ROBO1: variants seen among roughly 807,000 people sequenced by gnomAD.
ROBO1 encodes the protein roundabout guidance receptor 1.
A neutral mutation model predicts 195.9 loss-of-function variants in ROBO1; 149 were observed. That is an observed-to-expected ratio of 0.76 (90% CI 0.67 to 0.87). The LOEUF (loss-of-function observed/expected upper bound fraction) is 0.87. ROBO1 is among the 40% of genes least tolerant of loss of function. ROBO1 has a pLI of 0.00. For missense variants in ROBO1, 1,933 were observed against 2,068.3 expected (o/e 0.93, Z 1.27); for synonymous variants, 816 against 733.2 (o/e 1.11, Z -1.82).
chr3:78,910,007 A>G (rs2038151606), intron 4 of ROBO1, among the ~76,000 whole-genome samples: 1 of 151,872 alleles, frequency 6.6e-6, no homozygotes, highest in Non-Finnish European at 1.5e-5. Context: ...TAATTAATGT[A>G]AAGTCAGACC....
chr3:79,613,052 A>G (rs537041592), intron 1 of ROBO1, among the ~76,000 whole-genome samples: 33 of 151,952 alleles, frequency 2.2e-4, no homozygotes, highest in Non-Finnish European at 1.0e-4. Flanking sequence ...TTTTACTATT[A>G]AAGTATTATA....
chr3:78,654,459 A>C (rs1435520329), intron 18 of ROBO1, among the ~76,000 whole-genome samples: 2 of 152,166 alleles, frequency 1.3e-5, no homozygotes, highest in East Asian at 3.9e-4. Context: ...CATCCTCTTA[A>C]AGTTCACCGA....
intron 1 of ROBO1, among the ~76,000 whole-genome samples, chr3:79,676,273 G>T (rs1407575842): frequency 2.0e-5 from 3 of 152,058 alleles, no homozygotes; most frequent in Non-Finnish European, 2.9e-5. Flanking sequence ...GTTGTTGAGA[G>T]AATTAATGAA....
Position 78,736,704 on chromosome 3 carries a change from CT to C in ROBO1, c.657+10038del, listed in dbSNP as rs528894264. The stretch of plus-strand genomic sequence containing the variant: ...CTTTTTAATTGTATTGTCATCTAAA[CT>C]AATTTGTGTGCCAGAACTGAGAATG... On this transcript the variant is annotated intron_variant, in intron 5 of 30. Transcript: ENST00000464233. Among the ~76,000 whole-genome samples, 409 of 152,298 alleles carry C rather than the reference CT, an allele frequency of 2.7e-3. 1 individual carries two copies. Among genetic ancestry groups the C allele is most frequent in the African/African-American group, 8.9e-3 (369 of 41,572 alleles).
chr3:79,576,465 T>TA (rs1560008851), intron 2 of ROBO1, among the ~76,000 whole-genome samples: 2 of 152,066 alleles, frequency 1.3e-5, no homozygotes, highest in African/African-American at 4.8e-5. Context: ...GGACATTGTA[T>TA]TAGATACTTT....
At chr3:79,189,951 G>T (rs914597517) in intron 2 of ROBO1, among the ~76,000 whole-genome samples, 2 of 151,558 alleles carry the variant, frequency 1.3e-5, no homozygotes, top group African/African-American at 4.8e-5. Context: ...TAATGATACT[G>T]AAGCCAAAAT....
intron 2 of ROBO1, among the ~76,000 whole-genome samples, chr3:79,400,778 G>T (rs2106781906): frequency 6.6e-6 from 1 of 151,854 alleles, no homozygotes; most frequent in South Asian, 2.1e-4. Context: ...TGATTAATTG[G>T]TTAATTGATG....
At chr3:79,053,164 T>A (rs1044958911) in intron 3 of ROBO1, among the ~76,000 whole-genome samples, 4 of 151,930 alleles carry the variant, frequency 2.6e-5, no homozygotes, top group Non-Finnish European at 5.9e-5. Flanking sequence ...GCCATCCTAA[T>A]GACATACCAA....
chr3:79,599,033 AG>A (rs1944263196), intron 1 of ROBO1, among the ~76,000 whole-genome samples: 1 of 152,082 alleles, frequency 6.6e-6, no homozygotes, highest in African/African-American at 2.4e-5. Flanking sequence ...CCACCAGAGC[AG>A]GTGCTGGTAC....
chr3:79,127,983 G>T (rs2080248533), intron 2 of ROBO1, among the ~76,000 whole-genome samples: 1 of 152,128 alleles, frequency 6.6e-6, no homozygotes, highest in Non-Finnish European at 1.5e-5. Context: ...ATTTTTAGCT[G>T]CTTTGCTAAT....
intron 4 of ROBO1, among the ~76,000 whole-genome samples, chr3:78,843,912 A>C (rs995573880): frequency 2.0e-5 from 3 of 152,130 alleles, no homozygotes; most frequent in African/African-American, 7.2e-5. Flanking sequence ...TATTTCATTA[A>C]GGTGCAGGCT....
At chr3:78,630,929 A>G (rs1406549401) in intron 25 of ROBO1, among the ~76,000 whole-genome samples, 7 of 152,204 alleles carry the variant, frequency 4.6e-5, no homozygotes. Flanking sequence ...AATATGTATC[A>G]TTTTTATATT....
intron 4 of ROBO1, among the ~76,000 whole-genome samples, chr3:78,784,835 C>G (rs943179445): frequency 6.6e-6 from 1 of 152,112 alleles, no homozygotes; most frequent in African/African-American, 2.4e-5. Context: ...AATTCAATAA[C>G]TTAGAAAAGT....
At chr3:78,841,057 G>C (rs554720619) in intron 4 of ROBO1, among the ~76,000 whole-genome samples, 5 of 134,786 alleles carry the variant, frequency 3.7e-5, no homozygotes, top group African/African-American at 1.4e-4. Context: ...GCAAGACTGT[G>C]TCTCAAAAAA....
chr3:79,357,004 T>C (rs955493735), intron 2 of ROBO1, among the ~76,000 whole-genome samples: 2 of 152,176 alleles, frequency 1.3e-5, no homozygotes, highest in African/African-American at 4.8e-5. Context: ...TTGATATGAG[T>C]TGGGAAATTC....
intron 2 of ROBO1, among the ~76,000 whole-genome samples, chr3:79,314,299 ACTGTAATTC>A (rs1350707123): frequency 6.6e-6 from 1 of 152,202 alleles, no homozygotes; most frequent in Non-Finnish European, 1.5e-5. Context: ...CACATCTTGA[ACTGTAATTC>A]CTATAATCCC....
At chr3:78,992,718 C>T (rs1432567590) in intron 3 of ROBO1, among the ~76,000 whole-genome samples, 1 of 152,012 alleles carries the variant, frequency 6.6e-6, no homozygotes, top group African/African-American at 2.4e-5. Flanking sequence ...GTCTTAAAGG[C>T]ATTTAAAATC....
chr3:79,519,933 A>G (rs774407754), intron 2 of ROBO1, among the ~76,000 whole-genome samples: 1 of 152,088 alleles, frequency 6.6e-6, no homozygotes, highest in Non-Finnish European at 1.5e-5. Flanking sequence ...CTGAGACAGG[A>G]ATATTGCTTG....
intron 1 of ROBO1, among the ~76,000 whole-genome samples, chr3:79,762,714 A>C (rs980799235): frequency 6.6e-6 from 1 of 152,122 alleles, no homozygotes; most frequent in Non-Finnish European, 1.5e-5. Context: ...CTGAAGACTG[A>C]AAAGAAGAAT....
Sources: allele counts gnomAD v4.1 joint callset (sites outside exome capture counted in the v4.1 genomes callset), GRCh38; gene constraint gnomAD v4.1.1; transcripts MANE v1.5; gene names NCBI Gene and HGNC (gene_info 2026-07-23, HGNC 2026-07-21).